Variants in SLC9A4 observed in about 807,000 individuals in gnomAD.
SLC9A4 encodes the protein sodium/hydrogen exchanger 4.
SLC9A4 carries 63 observed loss-of-function variants against 67.4 expected under a neutral mutation model. The observed-to-expected ratio is 0.93, with a 90% confidence interval of 0.76 to 1.15. The LOEUF (loss-of-function observed/expected upper bound fraction) is 1.15. SLC9A4 is among the 50% of genes most tolerant of loss of function. SLC9A4 has a pLI of 0.00. For missense variants in SLC9A4, 1,089 were observed against 987.7 expected (o/e 1.10, Z -1.38); for synonymous variants, 393 against 367.2 (o/e 1.07, Z -0.80).
intron 2 of SLC9A4, among the ~76,000 whole-genome samples, chr2:102,486,316 C>T (rs981638173): frequency 6.6e-6 from 1 of 152,156 alleles, no homozygotes; most frequent in Non-Finnish European, 1.5e-5. Context: ...TTCAAAATAG[C>T]ACGTGGCACA....
intron 11 of SLC9A4, among the ~76,000 whole-genome samples, chr2:102,528,660 G>C (rs1304344668): frequency 6.6e-6 from 1 of 152,132 alleles, no homozygotes; most frequent in Non-Finnish European, 1.5e-5. Context: ...TCTTAAATAA[G>C]CATTATAAAC....
At chr2:102,482,549 G>A (rs188414997) in intron 2 of SLC9A4, among the ~76,000 whole-genome samples, 86 of 152,108 alleles carry the variant, frequency 5.7e-4, no homozygotes, top group Middle Eastern at 6.8e-3. Context: ...CGTTGTCTGG[G>A]AATCCATTCC....
At chr2:102,498,583 A>T (rs1478744606) in intron 2 of SLC9A4, among the ~76,000 whole-genome samples, 1 of 152,004 alleles carries the variant, frequency 6.6e-6, no homozygotes, top group Non-Finnish European at 1.5e-5. Context: ...GGAGTGTGTG[A>T]CTCCTCACTG....
intron 2 of SLC9A4, among the ~76,000 whole-genome samples, chr2:102,486,214 G>C (rs1018898997): frequency 1.3e-5 from 2 of 152,230 alleles, no homozygotes; most frequent in African/African-American, 4.8e-5. Context: ...GACTTCAGGT[G>C]AATCACTTAC....
intron 3 of SLC9A4, among the ~76,000 whole-genome samples, chr2:102,504,115 C>T (rs867337046): frequency 1.3e-5 from 2 of 152,068 alleles, no homozygotes; most frequent in Admixed American, 6.5e-5. Context: ...TGCAGTGGCA[C>T]GATCTCGGCT....
chr2:102,487,318 T>C (rs945544964), intron 2 of SLC9A4, among the ~76,000 whole-genome samples: 5 of 152,022 alleles, frequency 3.3e-5, no homozygotes, highest in Non-Finnish European at 1.5e-5. Flanking sequence ...TGGGAGGACC[T>C]GGGAGAAGTG....
At chr2:102,477,681 T>A (rs1422983702) in intron 1 of SLC9A4, among the ~76,000 whole-genome samples, 1 of 152,078 alleles carries the variant, frequency 6.6e-6, no homozygotes, top group Non-Finnish European at 1.5e-5. Context: ...CCTCAAAGGA[T>A]GAGCAGGACT....
At chr2:102,502,072 A>AT (rs1251851180) in intron 2 of SLC9A4, among the ~76,000 whole-genome samples, 4 of 151,828 alleles carry the variant, frequency 2.6e-5, no homozygotes, top group Non-Finnish European at 2.9e-5. Flanking sequence ...GATTTTTTGC[A>AT]TTTTTCCTGG....
At chr2:102,498,910 G>A (rs1041610170) in intron 2 of SLC9A4, among the ~76,000 whole-genome samples, 1 of 152,180 alleles carries the variant, frequency 6.6e-6, no homozygotes, top group South Asian at 2.1e-4. Context: ...CACTCAGAGT[G>A]CATTAAATGT....
At chr2:102,520,793 TG>T (rs1278110973) in intron 9 of SLC9A4, among the ~76,000 whole-genome samples, 1 of 152,218 alleles carries the variant, frequency 6.6e-6, no homozygotes, top group Non-Finnish European at 1.5e-5. Context: ...TTATCTGACT[TG>T]TTCAAGGTTA....
chr2:102,499,522 A>ATG (rs1011973782), intron 2 of SLC9A4, among the ~76,000 whole-genome samples: 1 of 151,946 alleles, frequency 6.6e-6, no homozygotes, highest in South Asian at 2.1e-4. Flanking sequence ...TGTTCATGGT[A>ATG]TGTGTGTGTG....
chr2:102,514,062 T>G, intron 7 of SLC9A4, 28 bp from the exon 8 acceptor site: 1 of 1,606,752 alleles, frequency 6.2e-7, no homozygotes, highest in East Asian at 2.2e-5. Flanking sequence ...ACGTTCAAGA[T>G]TTCCAAAATG....
intron 9 of SLC9A4, among the ~76,000 whole-genome samples, chr2:102,524,331 AT>A (rs1213437817): frequency 6.6e-6 from 1 of 152,186 alleles, no homozygotes; most frequent in African/African-American, 2.4e-5. Flanking sequence ...GGGAGAAGAA[AT>A]TTCAGTTAAG....
At chr2:102,513,710 G>T (rs1029754804) in intron 7 of SLC9A4, among the ~76,000 whole-genome samples, 1 of 152,286 alleles carries the variant, frequency 6.6e-6, no homozygotes, top group East Asian at 1.9e-4. Context: ...GCTGTTATGC[G>T]CTATTAGAAT....
rs192410761 is a variant in SLC9A4, at chr2:102,490,834, G to T, written c.720+11532G>T. Among the ~76,000 whole-genome samples the T allele has an allele frequency of 5.0e-3, 767 of 152,192 alleles. 1 individual carries two copies. Among genetic ancestry groups the T allele is most frequent in the Non-Finnish European group, 8.7e-3 (590 of 67,996 alleles). ...ACCTAAATAGCCAAAAACAACAAAGGTTTATTTCTTACTTGTACTACTTGC... is the reference window on the plus strand; with the variant it reads ...ACCTAAATAGCCAAAAACAACAAAGTTTTATTTCTTACTTGTACTACTTGC... On this transcript the variant is annotated intron_variant, in intron 2 of 11. Coordinates refer to ENST00000295269, the MANE Select transcript of SLC9A4 (RefSeq NM_001011552.4).
chr2:102,504,728 C>T (rs375196267), intron 3 of SLC9A4, among the ~76,000 whole-genome samples: 23 of 152,326 alleles, frequency 1.5e-4, no homozygotes, highest in African/African-American at 5.5e-4. Flanking sequence ...ATGATCAAAA[C>T]TTCTAAGACA....
chr2:102,474,542 C>T (rs1474309), intron 1 of SLC9A4, among the ~76,000 whole-genome samples: 38,065 of 152,014 alleles, frequency 0.25, 5,127 homozygotes, highest in East Asian at 0.4. Context: ...GATGGGATGT[C>T]GGGGCATATA....
intron 9 of SLC9A4, among the ~76,000 whole-genome samples, chr2:102,521,465 TG>T (rs1277251159): frequency 1.3e-5 from 2 of 152,146 alleles, no homozygotes; most frequent in Non-Finnish European, 2.9e-5. Flanking sequence ...GGGAGCCAAA[TG>T]GGGAGAACAC....
rs190815921 is a variant in SLC9A4 at position 102,480,591 on chromosome 2, C to T, written c.720+1289C>T. Among the ~76,000 whole-genome samples, 128 of 152,266 alleles carry T rather than the reference C, an allele frequency of 8.4e-4. 1 individual carries two copies. Among genetic ancestry groups the T allele is most frequent in the African/African-American group, 3.0e-3 (123 of 41,550 alleles). The stretch of plus-strand genomic sequence containing the variant: ...CATTCTTACAAGCAATGTTGAAATG[C>T]ATATTGAATATTCTTTTTTTCTGCA... On this transcript the variant is annotated intron_variant, in intron 2 of 11. Coordinates refer to ENST00000295269, the MANE Select transcript of SLC9A4 (RefSeq NM_001011552.4).
Sources: allele counts gnomAD v4.1 joint callset (sites outside exome capture counted in the v4.1 genomes callset), GRCh38; gene constraint gnomAD v4.1.1; transcripts MANE v1.5; gene names NCBI Gene and HGNC (gene_info 2026-07-23, HGNC 2026-07-21).